UBQLN1: variants seen among roughly 807,000 people sequenced by gnomAD.
The protein encoded by UBQLN1 is ubiquilin 1.
In UBQLN1, 13 loss-of-function variants were observed where a neutral mutation model predicts 65.4. That is an observed-to-expected ratio of 0.20 (90% CI 0.13 to 0.32). The LOEUF (loss-of-function observed/expected upper bound fraction) is 0.32, where lower values mean the gene tolerates loss of function less well. UBQLN1 is among the 10% of genes least tolerant of loss of function. The probability of loss-of-function intolerance (pLI) is 1.00; values close to 1 mark genes in which losing one functional copy is unlikely to be tolerated. For synonymous variants in UBQLN1, 267 were observed against 247.8 expected, an observed-to-expected ratio of 1.08 and a Z score of -0.73; for missense variants, 561 against 724.0, an observed-to-expected ratio of 0.77 and a Z score of 2.58.
chr9:83,686,232 T>G, intron 1 of UBQLN1, 77 bp from the exon 2 acceptor site: 2 of 922,960 alleles, frequency 2.2e-6, no homozygotes, highest in Non-Finnish European at 3.1e-6. Context: ...AGGTACCTCA[T>G]AGAGGCCCCT....
chr9:83,688,321 C>G (rs1481532514), intron 1 of UBQLN1, among the ~76,000 whole-genome samples: 2 of 152,138 alleles, frequency 1.3e-5, no homozygotes, highest in Non-Finnish European at 2.9e-5. Flanking sequence ...ACTGATACAG[C>G]TAATAAACTG....
chr9:83,702,024 A>T lies in UBQLN1; in HGVS notation c.180+5476T>A, dbSNP rs370292077. Among the ~76,000 whole-genome samples, 338 of 152,328 alleles carry T rather than the reference A, an allele frequency of 2.2e-3. 1 individual carries two copies. The highest frequency in any genetic ancestry group is 4.9e-3 in the African/African-American group (203 of 41,584). On this transcript the variant is annotated intron_variant, in intron 1 of 10. Coordinates refer to ENST00000376395, the MANE Select transcript of UBQLN1 (RefSeq NM_013438.5). ...CCGGCACATGCTTCAACAGGGATGA[A>T]CCTTGAAAACACTATGCTAAGTGAA...
At chr9:83,684,031 CA>C (rs1252512360) in intron 2 of UBQLN1, among the ~76,000 whole-genome samples, 1 of 151,738 alleles carries the variant, frequency 6.6e-6, no homozygotes, top group East Asian at 2.0e-4. Flanking sequence ...AACAAACAAA[CA>C]AACAAACAAA....
intron 1 of UBQLN1, among the ~76,000 whole-genome samples, chr9:83,694,641 A>T (rs1405539825): frequency 6.6e-6 from 1 of 152,268 alleles, no homozygotes; most frequent in African/African-American, 2.4e-5. Flanking sequence ...AAATCTGACA[A>T]GAATAACAAA....
At chr9:83,700,428 T>C (rs1832291675) in intron 1 of UBQLN1, among the ~76,000 whole-genome samples, 1 of 152,214 alleles carries the variant, frequency 6.6e-6, no homozygotes, top group Non-Finnish European at 1.5e-5. Context: ...ACTAGATTCA[T>C]CTGTAAATAA....
At chr9:83,697,494 G>A (rs1832236819) in intron 1 of UBQLN1, among the ~76,000 whole-genome samples, 2 of 137,902 alleles carry the variant, frequency 1.5e-5, no homozygotes, top group African/African-American at 5.4e-5. Flanking sequence ...GGAGGTTGCA[G>A]TGAGCTGAGA....
intron 6 of UBQLN1, among the ~76,000 whole-genome samples, chr9:83,671,557 A>G (rs1831731072): frequency 6.6e-6 from 1 of 152,162 alleles, no homozygotes; most frequent in Non-Finnish European, 1.5e-5. Context: ...TGCACTGTCA[A>G]TGAGCACTAA....
chr9:83,674,897 A>C (rs990703488), intron 6 of UBQLN1, among the ~76,000 whole-genome samples: 3 of 152,178 alleles, frequency 2.0e-5, no homozygotes, highest in Admixed American at 2.0e-4. Context: ...GAATCTGCTA[A>C]GATGTGCTAC....
intron 6 of UBQLN1, among the ~76,000 whole-genome samples, chr9:83,673,251 AT>A (rs1831764422): frequency 6.7e-6 from 1 of 150,282 alleles, no homozygotes; most frequent in East Asian, 2.0e-4. Context: ...AACCAAAACA[AT>A]TTTTGGTCGG....
rs1444554035 is a variant in UBQLN1, at chr9:83,660,960, CTT to C, written c.*825_*826del. On this transcript the variant is annotated 3_prime_UTR_variant, in exon 11 of 11. Transcript: ENST00000376395. Reference sequence around the variant, plus strand: ...AGCTGAGAAGTCCTAGGCAAATGCACTTTGGGGTATACTACAGTGTTCCTTCA... The same window carrying C: ...AGCTGAGAAGTCCTAGGCAAATGCACTGGGGTATACTACAGTGTTCCTTCA... 6.6e-6 allele frequency: 1 copy of C among 152,396 alleles called. No homozygotes were observed. The highest frequency in any genetic ancestry group is 1.9e-4 in the East Asian group (1 of 5,198). 9.4% of individuals were successfully genotyped at this position (152,396 alleles called of 1,614,324 possible).
intron 7 of UBQLN1, chr9:83,667,572 G>A: frequency 1.0e-6 from 1 of 985,408 alleles, no homozygotes; most frequent in Non-Finnish European, 1.2e-6. Flanking sequence ...AACTCATACA[G>A]GCTTAAGGTC....
chr9:83,664,094 C>T (rs1263453893), intron 9 of UBQLN1, 51 bp from the exon 10 acceptor site: 4 of 1,565,234 alleles, frequency 2.6e-6, no homozygotes, highest in Non-Finnish European at 3.5e-6. Context: ...AAACCAGAAG[C>T]CAGTCCGTAA....
At position 83,677,821 on chromosome 9, in the gene UBQLN1, G is replaced by A; in HGVS notation, c.1011C>T (p.Gly337=). Residue 337 remains glycine, a synonymous_variant, in exon 6 of 11, where the codon GGC becomes GGT. Transcript: ENST00000376395. ...QTSQSSSASS[G]TASTVGGTTG... ...TAGTGCCACCCACAGTGCTGGCAGT[G>A]CCGCTGGAAGCTGATGAACTCTGGG... 6.2e-7 allele frequency: 1 copy of A among 1,614,082 alleles called. No homozygotes were observed. Among genetic ancestry groups the A allele is most frequent in the Non-Finnish European group, 8.5e-7 (1 of 1,180,000 alleles).
intron 1 of UBQLN1, among the ~76,000 whole-genome samples, chr9:83,703,795 T>C (rs1418881022): frequency 1.3e-5 from 2 of 152,170 alleles, no homozygotes; most frequent in Non-Finnish European, 2.9e-5. Context: ...AGTAACATTA[T>C]TAAATACCAA....
intron 1 of UBQLN1, among the ~76,000 whole-genome samples, chr9:83,690,548 G>A (rs1476810682): frequency 1.3e-5 from 2 of 152,118 alleles, no homozygotes; most frequent in African/African-American, 2.4e-5. Context: ...AATAAAAATA[G>A]TTTTAAAAGT....
chr9:83,707,505 G>T lies in UBQLN1; in HGVS notation c.175C>A (p.Gln59Lys). 1 of 1,608,362 alleles carries T rather than the reference G, an allele frequency of 6.2e-7. No homozygotes were observed. Among genetic ancestry groups the T allele is most frequent in the South Asian group, 1.1e-5 (1 of 90,764 alleles). ...CGAGCCCCAGGCGGCCTCACCTGCT[G>T]GACGGAGCTATTCTCGGGCACGGCG... ...EFAVPENSSV[Q>K]QFKEEISKRF... Residue 59 changes from glutamine to lysine, a missense_variant, in exon 1 of 11, where the codon CAG becomes AAG. By Grantham distance (53) the Gln-to-Lys change is moderately conservative. Around this residue, in one of 8 missense-constraint regions of UBQLN1, gnomAD observed 101 missense variants for 104.9 expected, o/e 0.96. Coordinates refer to ENST00000376395, the MANE Select transcript of UBQLN1 (RefSeq NM_013438.5).
At chr9:83,678,173 C>T (rs549239419) in intron 5 of UBQLN1, among the ~76,000 whole-genome samples, 2 of 152,128 alleles carry the variant, frequency 1.3e-5, no homozygotes, top group East Asian at 3.9e-4. Context: ...AGGCGCCCAC[C>T]ACCACGCCCA....
At chr9:83,665,196 G>C in intron 8 of UBQLN1, 51 bp from the exon 9 acceptor site, 1 of 1,390,654 alleles carries the variant, frequency 7.2e-7, no homozygotes, top group Non-Finnish European at 1.0e-6. Context: ...ATCAGTGAAC[G>C]TAAATTTTTA....
chr9:83,663,384 C>T (rs1048353316), intron 10 of UBQLN1, among the ~76,000 whole-genome samples: 4 of 152,006 alleles, frequency 2.6e-5, no homozygotes, highest in African/African-American at 9.7e-5. Context: ...TATTCTTTAG[C>T]CATATTTACG....
Sources: allele counts gnomAD v4.1 joint callset (sites outside exome capture counted in the v4.1 genomes callset), GRCh38; gene constraint gnomAD v4.1.1; regional missense constraint gnomAD v4.1.1; transcripts MANE v1.5; gene names NCBI Gene and HGNC (gene_info 2026-07-23, HGNC 2026-07-21).